Variants in DNAJC1 observed in about 807,000 individuals in gnomAD.
DNAJC1 encodes the protein DnaJ heat shock protein family (Hsp40) member C1.
Under a neutral mutation model 76.6 loss-of-function variants are expected in DNAJC1, and 58 were observed. That is an observed-to-expected ratio of 0.76 (90% confidence interval 0.61 to 0.94). The LOEUF is 0.94. Ranked by LOEUF, DNAJC1 falls within the 40% of genes least tolerant of loss-of-function variation. DNAJC1 has a pLI of 0.00. For synonymous variants in DNAJC1, 258 were observed against 267.9 expected, an observed-to-expected ratio of 0.96 and a Z score of 0.36; for missense variants, 689 against 677.3, an observed-to-expected ratio of 1.02 and a Z score of -0.19.
chr10:21,911,025 G>A (rs1173239760), intron 6 of DNAJC1, among the ~76,000 whole-genome samples: 1 of 134,540 alleles, frequency 7.4e-6, no homozygotes, highest in Non-Finnish European at 1.6e-5. Flanking sequence ...GAGAAAAAGA[G>A]AAAGAAAGAG....
intron 1 of DNAJC1, among the ~76,000 whole-genome samples, chr10:21,984,788 T>A (rs1838213003): frequency 6.6e-6 from 1 of 152,136 alleles, no homozygotes; most frequent in African/African-American, 2.4e-5. Context: ...CTAAAGAAAT[T>A]ACATTTTAAT....
At chr10:21,777,526 C>T (rs1254928820) in intron 9 of DNAJC1, among the ~76,000 whole-genome samples, 2 of 152,164 alleles carry the variant, frequency 1.3e-5, no homozygotes, top group Non-Finnish European at 2.9e-5. Context: ...GCCAGTGTCT[C>T]AGGACATGAA....
intron 1 of DNAJC1, among the ~76,000 whole-genome samples, chr10:21,956,534 CATACACATAA>C (rs1236740090): frequency 4.0e-5 from 6 of 151,186 alleles, no homozygotes; most frequent in African/African-American, 1.5e-4. Flanking sequence ...AATTTATGTA[CATACACATAA>C]ATACACATAC....
At chr10:21,834,473 G>A (rs1432996880) in intron 8 of DNAJC1, among the ~76,000 whole-genome samples, 1 of 152,206 alleles carries the variant, frequency 6.6e-6, no homozygotes, top group African/African-American at 2.4e-5. Flanking sequence ...GACAGTAGGT[G>A]CAGGACAGTA....
intron 1 of DNAJC1, among the ~76,000 whole-genome samples, chr10:22,000,070 C>A (rs1247058431): frequency 6.6e-6 from 1 of 151,892 alleles, no homozygotes; most frequent in African/African-American, 2.4e-5. Context: ...CAACAAATGG[C>A]AATTGCATCC....
intron 11 of DNAJC1, among the ~76,000 whole-genome samples, chr10:21,757,304 C>A (rs1470528358): frequency 1.3e-5 from 2 of 152,206 alleles, no homozygotes; most frequent in African/African-American, 2.4e-5. Context: ...CAGACCTCAG[C>A]TGGCCACAGC....
chr10:21,787,566 T>C (rs1036130292), intron 9 of DNAJC1, among the ~76,000 whole-genome samples: 2 of 151,344 alleles, frequency 1.3e-5, no homozygotes, highest in African/African-American at 2.4e-5. Flanking sequence ...CAAAGGAGAG[T>C]GCTGGAGCAT....
chr10:21,837,826 G>A (rs1204385801), intron 8 of DNAJC1, among the ~76,000 whole-genome samples: 2 of 136,268 alleles, frequency 1.5e-5, no homozygotes, highest in Non-Finnish European at 3.2e-5. Context: ...GGAGGGAGGT[G>A]GGGGGCAGCC....
At chr10:21,962,753 A>C (rs1202620485) in intron 1 of DNAJC1, among the ~76,000 whole-genome samples, 2 of 141,836 alleles carry the variant, frequency 1.4e-5, no homozygotes, top group African/African-American at 5.3e-5. Context: ...TGTTGCATTT[A>C]GCATTGAAAA....
chr10:21,899,312 G>A (rs764198289), intron 7 of DNAJC1, among the ~76,000 whole-genome samples: 15 of 152,204 alleles, frequency 9.9e-5, no homozygotes, highest in Non-Finnish European at 1.9e-4. Context: ...TCCCTAGGAA[G>A]GGGGCTGAAT....
intron 8 of DNAJC1, among the ~76,000 whole-genome samples, chr10:21,838,813 C>T (rs1218039178): frequency 6.6e-6 from 1 of 152,180 alleles, no homozygotes; most frequent in Admixed American, 6.5e-5. Context: ...TTCAGCACCA[C>T]AACACACCTA....
chr10:21,837,811 G>A lies in DNAJC1; in HGVS notation c.979-31712C>T, dbSNP rs867154278. ...CAGCCCCCGCCCGGCCAGCCGCCCC[G>A]TCCGGGAGGGAGGTGGGGGGCAGCC... On this transcript the variant is annotated intron_variant, in intron 8 of 11. Transcript: ENST00000376980. Among the ~76,000 whole-genome samples the A allele has an allele frequency of 9.7e-3, 1,239 of 127,184 alleles. 11 individuals are homozygous for A. The highest frequency in any genetic ancestry group is 0.051 in the Middle Eastern group (11 of 216). The allele number at this position is 127,184 out of a possible 152,430, so 83.4% of individuals were successfully genotyped here. A position where few individuals can be genotyped will look rare whatever the true frequency, so the allele number is the denominator to read the frequency against.
At chr10:21,961,051 C>T (rs1179508269) in intron 1 of DNAJC1, among the ~76,000 whole-genome samples, 3 of 152,124 alleles carry the variant, frequency 2.0e-5, no homozygotes, top group African/African-American at 7.2e-5. Context: ...CAACTACAAT[C>T]ATTATAATTT....
At chr10:21,789,800 A>T (rs1396803445) in intron 9 of DNAJC1, among the ~76,000 whole-genome samples, 1 of 152,098 alleles carries the variant, frequency 6.6e-6, no homozygotes, top group Non-Finnish European at 1.5e-5. Flanking sequence ...ACATGAAGCC[A>T]GGAGTTCAAG....
At chr10:21,890,421 C>CAAA (rs1007952107) in intron 7 of DNAJC1, among the ~76,000 whole-genome samples, 2 of 52,692 alleles carry the variant, frequency 3.8e-5, no homozygotes, top group East Asian at 5.8e-4. Flanking sequence ...TCCCCCCCTA[C>CAAA]AAAAAAAAAA....
rs192831964 is a variant in DNAJC1, at chr10:21,784,435, A to C, written c.1099-18126T>G. Among the ~76,000 whole-genome samples, 8 of 152,286 alleles carry C rather than the reference A, an allele frequency of 5.3e-5. No homozygotes were observed. In the East Asian group the frequency reaches 1.5e-3, roughly 29 times the overall value. On this transcript the variant is annotated intron_variant, in intron 9 of 11. Coordinates refer to ENST00000376980, the MANE Select transcript of DNAJC1 (RefSeq NM_022365.4). ...GGAGAGGATGTGGAGAAATAGGAAC[A>C]CTTTTACACTGTTGGTGGACTGTAA...
intron 7 of DNAJC1, among the ~76,000 whole-genome samples, chr10:21,897,401 T>C (rs924269304): frequency 2.0e-5 from 3 of 152,148 alleles, no homozygotes; most frequent in Non-Finnish European, 4.4e-5. Flanking sequence ...CACCCCGTCA[T>C]GATTTTAAAA....
intron 1 of DNAJC1, among the ~76,000 whole-genome samples, chr10:21,983,166 T>A (rs745420914): frequency 6.6e-6 from 1 of 152,194 alleles, no homozygotes; most frequent in Non-Finnish European, 1.5e-5. Context: ...TGTATACCAA[T>A]GGTCATAGCA....
intron 8 of DNAJC1, among the ~76,000 whole-genome samples, chr10:21,845,876 C>G (rs990469812): frequency 6.6e-6 from 1 of 151,980 alleles, no homozygotes; most frequent in Non-Finnish European, 1.5e-5. Context: ...GGAAGAAGTA[C>G]ATTAAATGAG....
Sources: allele counts gnomAD v4.1 joint callset (sites outside exome capture counted in the v4.1 genomes callset), GRCh38; gene constraint gnomAD v4.1.1; transcripts MANE v1.5; gene names NCBI Gene and HGNC (gene_info 2026-07-23, HGNC 2026-07-21).